The following SLC10A7 variants were observed in gnomAD, a reference collection of about 807,000 sequenced individuals.
SLC10A7 encodes sodium/bile acid cotransporter 7.
In SLC10A7, 29 loss-of-function variants were observed where a neutral mutation model predicts 43.2. The ratio of observed to expected loss-of-function variants is 0.67; its 90% confidence interval spans 0.50 to 0.92. The LOEUF (loss-of-function observed/expected upper bound fraction) is 0.92, where lower values mean the gene tolerates loss of function less well. Among genes scored for constraint, SLC10A7 ranks in the 40% least tolerant of loss-of-function variants. The probability of loss-of-function intolerance (pLI) is 0.00; values close to 1 mark genes in which losing one functional copy is unlikely to be tolerated. For missense variants in SLC10A7, 295 were observed against 403.2 expected, an observed-to-expected ratio of 0.73 and a Z score of 2.30; for synonymous variants, 152 against 144.8, an observed-to-expected ratio of 1.05 and a Z score of -0.35.
At chr4:146,411,082 G>A (rs1290191940) in intron 5 of SLC10A7, among the ~76,000 whole-genome samples, 1 of 152,082 alleles carries the variant, frequency 6.6e-6, no homozygotes, top group Non-Finnish European at 1.5e-5. Context: ...TGATTCACCT[G>A]CTCTGGACTC....
intron 5 of SLC10A7, among the ~76,000 whole-genome samples, chr4:146,429,220 A>G (rs1241084273): frequency 6.6e-6 from 1 of 152,178 alleles, no homozygotes; most frequent in Non-Finnish European, 1.5e-5. Context: ...TGGTAGACAG[A>G]TGACCAATTA....
intron 5 of SLC10A7, among the ~76,000 whole-genome samples, chr4:146,359,274 C>A (rs1735877132): frequency 6.6e-6 from 1 of 152,076 alleles, no homozygotes; most frequent in Admixed American, 6.6e-5. Context: ...GGTAGAAGTG[C>A]TTGCTGGATA....
rs181719294 is a variant in SLC10A7 at position 146,437,419 on chromosome 4, G to T, written c.435+5364C>A. The stretch of plus-strand genomic sequence containing the variant: ...TATCCAGTTCTTCCCACTAAAAGAT[G>T]AACTTGAAACAGCATCTATAAGATG... On this transcript the variant is annotated intron_variant, in intron 5 of 11. Coordinates refer to ENST00000335472, the MANE Select transcript of SLC10A7 (RefSeq NM_001029998.6). Among the ~76,000 whole-genome samples, 180 of 152,110 alleles carry T rather than the reference G, an allele frequency of 1.2e-3. 1 individual carries two copies. The highest frequency in any genetic ancestry group is 4.2e-3 in the African/African-American group (175 of 41,534).
chr4:146,494,317 G>T (rs1248800506), intron 4 of SLC10A7, among the ~76,000 whole-genome samples: 1 of 152,188 alleles, frequency 6.6e-6, no homozygotes, highest in Non-Finnish European at 1.5e-5. Context: ...TGTGCTCAAG[G>T]TCAGGCGGCC....
intron 3 of SLC10A7, among the ~76,000 whole-genome samples, chr4:146,505,062 G>A (rs1736773805): frequency 6.6e-6 from 1 of 152,042 alleles, no homozygotes; most frequent in Non-Finnish European, 1.5e-5. Context: ...GTTCATACAG[G>A]GCATAGATGA....
At chr4:146,500,151 G>A (rs1407817595) in intron 4 of SLC10A7, among the ~76,000 whole-genome samples, 1 of 152,166 alleles carries the variant, frequency 6.6e-6, no homozygotes, top group Non-Finnish European at 1.5e-5. Flanking sequence ...GTTAAATCCA[G>A]CTATCTGCCA....
intron 10 of SLC10A7, among the ~76,000 whole-genome samples, chr4:146,262,873 CATCACGCAGAAGTGT>C (rs1186894085): frequency 3.3e-5 from 5 of 152,220 alleles, no homozygotes; most frequent in Non-Finnish European, 7.3e-5. Flanking sequence ...GATCGTGTCA[CATCACGCAGAAGTGT>C]ATCACACAGG....
At chr4:146,385,487 A>T (rs1737927082) in intron 5 of SLC10A7, among the ~76,000 whole-genome samples, 1 of 152,008 alleles carries the variant, frequency 6.6e-6, no homozygotes. Context: ...TTCATGTCAT[A>T]TGTTTCGCTT....
rs1458941760 is a variant in SLC10A7 at position 146,326,008 on chromosome 4, A to G, written c.436-12T>C. ...GTTATAACGATGCCCTGAAAGAAAT[A>G]AAAGAGAGGATGATCATTTATCAGC... On this transcript the variant is annotated splice_polypyrimidine_tract_variant and intron_variant, in intron 5 of 11. Transcript: ENST00000335472. 1.9e-6 allele frequency: 3 copies of G among 1,610,362 alleles called. No individual in the cohort carries two copies. The Admixed American group carries it at 5.0e-5, about 27-fold the overall frequency.
At chr4:146,395,761 G>A (rs1453595634) in intron 5 of SLC10A7, among the ~76,000 whole-genome samples, 1 of 152,122 alleles carries the variant, frequency 6.6e-6, no homozygotes, top group East Asian at 1.9e-4. Flanking sequence ...TGTCTTGCTA[G>A]AGGAGTGTTA....
intron 5 of SLC10A7, among the ~76,000 whole-genome samples, chr4:146,437,146 T>G (rs1018094439): frequency 1.3e-5 from 2 of 152,144 alleles, no homozygotes; most frequent in Non-Finnish European, 2.9e-5. Flanking sequence ...ATATGTGTGT[T>G]GATTTTCTAT....
intron 11 of SLC10A7, among the ~76,000 whole-genome samples, chr4:146,257,273 A>T (rs1392208843): frequency 6.6e-6 from 1 of 152,242 alleles, no homozygotes; most frequent in East Asian, 1.9e-4. Flanking sequence ...AACTCCGAGT[A>T]GGAGGCTCAG....
At chr4:146,446,301 G>C (rs1731067966) in intron 4 of SLC10A7, among the ~76,000 whole-genome samples, 1 of 152,112 alleles carries the variant, frequency 6.6e-6, no homozygotes, top group Non-Finnish European at 1.5e-5. Context: ...GACTGGCTGG[G>C]CATGGTGACT....
intron 4 of SLC10A7, among the ~76,000 whole-genome samples, chr4:146,461,893 G>C (rs937907343): frequency 6.7e-6 from 1 of 149,392 alleles, no homozygotes; most frequent in Non-Finnish European, 1.5e-5. Flanking sequence ...AAATAAACAG[G>C]AGAGAAAAAT....
chr4:146,385,489 G>A (rs1360004260), intron 5 of SLC10A7, among the ~76,000 whole-genome samples: 4 of 152,020 alleles, frequency 2.6e-5, no homozygotes, highest in African/African-American at 9.7e-5. Context: ...CATGTCATAT[G>A]TTTCGCTTTA....
At chr4:146,314,379 G>C (rs950330243) in intron 6 of SLC10A7, among the ~76,000 whole-genome samples, 1 of 152,164 alleles carries the variant, frequency 6.6e-6, no homozygotes, top group African/African-American at 2.4e-5. Flanking sequence ...CCTAGAAACA[G>C]AGCCTGGTAT....
chr4:146,288,486 G>T (rs184460983), intron 9 of SLC10A7, among the ~76,000 whole-genome samples: 24 of 152,320 alleles, frequency 1.6e-4, no homozygotes, highest in African/African-American at 5.3e-4. Flanking sequence ...TAAGTTGGTT[G>T]CCCCAAACCT....
chr4:146,488,333 G>GA (rs2149999530), intron 4 of SLC10A7, among the ~76,000 whole-genome samples: 1 of 152,178 alleles, frequency 6.6e-6, no homozygotes, highest in African/African-American at 2.4e-5. Flanking sequence ...CTTGCATGGA[G>GA]AAATCACCAC....
At chr4:146,387,388 C>G (rs750974686) in intron 5 of SLC10A7, among the ~76,000 whole-genome samples, 1 of 152,096 alleles carries the variant, frequency 6.6e-6, no homozygotes, top group Non-Finnish European at 1.5e-5. Context: ...TCTCAATAGA[C>G]ATAGAAAAAG....
Sources: gnomAD v4.1 joint callset for allele counts (sites outside exome capture counted in the v4.1 genomes callset) on GRCh38, gnomAD v4.1.1 for gene constraint, MANE v1.5 for transcripts, NCBI Gene and HGNC (gene_info 2026-07-23, HGNC 2026-07-21) for gene names.